Variants in CNTLN observed in about 807,000 individuals in gnomAD.
CNTLN encodes centlein.
CNTLN carries 212 observed loss-of-function variants against 180.0 expected under a neutral mutation model. That is an observed-to-expected ratio of 1.18 (90% CI 1.05 to 1.32). The LOEUF (loss-of-function observed/expected upper bound fraction) is 1.32, where lower values mean the gene tolerates loss of function less well. Among genes scored for constraint, CNTLN ranks in the 40% most tolerant of loss-of-function variants. CNTLN has a pLI of 0.00. For missense variants in CNTLN, 2,095 were observed against 1,610.9 expected (o/e 1.30, Z -5.14); for synonymous variants, 722 against 563.1 (o/e 1.28, Z -3.99).
intron 5 of CNTLN, among the ~76,000 whole-genome samples, chr9:17,265,696 A>G (rs1245009975): frequency 6.6e-6 from 1 of 152,040 alleles, no homozygotes; most frequent in Non-Finnish European, 1.5e-5. Context: ...TAAGCTATTG[A>G]TTATTGCCAC....
chr9:17,163,899 G>A lies in CNTLN; in HGVS notation c.449+20523G>A, dbSNP rs530671628. Among the ~76,000 whole-genome samples, 4 of 151,876 alleles carry A rather than the reference G, an allele frequency of 2.6e-5. No individual in the cohort carries two copies. In the East Asian group the frequency reaches 7.8e-4, roughly 29 times the overall value. Reference sequence around the variant, plus strand: ...TTGGGTGTGGTGGTGCACATCTATAGTTTCAGCTACTTGGGAGGCTGAGGT... The same window carrying A: ...TTGGGTGTGGTGGTGCACATCTATAATTTCAGCTACTTGGGAGGCTGAGGT... On this transcript the variant is annotated intron_variant, in intron 2 of 25. Coordinates refer to ENST00000380647, the MANE Select transcript of CNTLN (RefSeq NM_017738.4).
chr9:17,390,548 A>G (rs1483328439), intron 14 of CNTLN, among the ~76,000 whole-genome samples: 2 of 152,218 alleles, frequency 1.3e-5, no homozygotes, highest in African/African-American at 2.4e-5. Flanking sequence ...CCGGCCTGAA[A>G]AGAGCCATCT....
intron 15 of CNTLN, among the ~76,000 whole-genome samples, chr9:17,396,167 G>T (rs868066557): frequency 6.6e-6 from 1 of 152,164 alleles, no homozygotes; most frequent in African/African-American, 2.4e-5. Context: ...TTAGCATATC[G>T]TCAAGAAATA....
At chr9:17,384,870 T>G (rs181898039) in intron 13 of CNTLN, among the ~76,000 whole-genome samples, 140 of 152,272 alleles carry the variant, frequency 9.2e-4, no homozygotes, top group African/African-American at 3.2e-3. Context: ...TTCTCTAAAC[T>G]CCAATTGGGC....
At chr9:17,268,963 A>T (rs1228035040) in intron 5 of CNTLN, among the ~76,000 whole-genome samples, 1 of 151,884 alleles carries the variant, frequency 6.6e-6, no homozygotes, top group Non-Finnish European at 1.5e-5. Context: ...TAGGAAAGGG[A>T]ACTCCCTGAC....
chr9:17,464,558 C>G lies in CNTLN; in HGVS notation c.3466C>G (p.Arg1156Gly). 2 of 1,497,794 alleles carry G rather than the reference C, an allele frequency of 1.3e-6. No homozygotes were observed. The highest frequency in any genetic ancestry group is 1.8e-6 in the Non-Finnish European group (2 of 1,124,914). The allele number at this position is 1,497,794 out of a possible 1,614,324, so 92.8% of individuals were successfully genotyped here. The change falls in exon 21 of 26, where the codon CGA becomes GGA. Residue 1156 changes from arginine to glycine, a missense_variant. Physicochemically the swap from Arg to Gly is moderately radical, Grantham distance 125. Transcript: ENST00000380647. ...ACATTTGATAGAGGACTTGAAATTT[C>G]GACAGAAAGTAAATTTGGAAAGTAA... is the stretch of plus-strand genomic sequence containing the variant. ...KRHLIEDLKFRQKVNLESNKS... is the reference protein window; with the variant it reads ...KRHLIEDLKFGQKVNLESNKS...
chr9:17,307,577 A>ATT (rs144434289), intron 7 of CNTLN, among the ~76,000 whole-genome samples: 22 of 151,514 alleles, frequency 1.5e-4, no homozygotes, highest in Admixed American at 3.3e-4. Context: ...CCAGAGATAC[A>ATT]TTTTTTTTTA....
chr9:17,240,061 A>G (rs1825392514), intron 5 of CNTLN, among the ~76,000 whole-genome samples: 1 of 152,154 alleles, frequency 6.6e-6, no homozygotes, highest in Non-Finnish European at 1.5e-5. Context: ...GAGTATTACC[A>G]TCTCAATAAT....
At chr9:17,210,496 C>G (rs931280576) in intron 2 of CNTLN, among the ~76,000 whole-genome samples, 23 of 152,156 alleles carry the variant, frequency 1.5e-4, no homozygotes, top group Admixed American at 9.2e-4. Context: ...CAAGTCTTTG[C>G]TATTGTGAAT....
At chr9:17,236,760 A>G (rs1445336064) in intron 5 of CNTLN, among the ~76,000 whole-genome samples, 172 bp downstream of exon 5, 1 of 152,184 alleles carries the variant, frequency 6.6e-6, no homozygotes, top group African/African-American at 2.4e-5. Context: ...TTGATGTTGC[A>G]AAGCAGGAAA....
At chr9:17,436,199 A>G (rs1554720299) in intron 18 of CNTLN, among the ~76,000 whole-genome samples, 1 of 152,188 alleles carries the variant, frequency 6.6e-6, no homozygotes, top group Non-Finnish European at 1.5e-5. Context: ...AACATTATAT[A>G]CTATTGTTTA....
intron 8 of CNTLN, among the ~76,000 whole-genome samples, chr9:17,310,291 A>C (rs1819036863): frequency 1.3e-5 from 2 of 152,142 alleles, no homozygotes; most frequent in Non-Finnish European, 2.9e-5. Flanking sequence ...TTTATGAGGA[A>C]ACAGTTTATT....
chr9:17,251,487 T>C (rs1826139614), intron 5 of CNTLN, among the ~76,000 whole-genome samples: 1 of 151,930 alleles, frequency 6.6e-6, no homozygotes, highest in Non-Finnish European at 1.5e-5. Flanking sequence ...ATCTTGTAGT[T>C]ATCTAATTAC....
At chr9:17,149,127 TC>T (rs778839953) in intron 2 of CNTLN, among the ~76,000 whole-genome samples, 1 of 152,332 alleles carries the variant, frequency 6.6e-6, no homozygotes, top group African/African-American at 2.4e-5. Context: ...TTCATCCATG[TC>T]CCTGCAAAGG....
At chr9:17,372,472 A>T (rs1310139620) in intron 13 of CNTLN, among the ~76,000 whole-genome samples, 2 of 152,154 alleles carry the variant, frequency 1.3e-5, no homozygotes, top group African/African-American at 4.8e-5. Context: ...AAAGACACTG[A>T]TGCCATAATG....
chr9:17,349,571 G>C (rs975245656), intron 12 of CNTLN, among the ~76,000 whole-genome samples: 24 of 152,168 alleles, frequency 1.6e-4, no homozygotes, highest in African/African-American at 5.8e-4. Flanking sequence ...TGCTACCACT[G>C]ACTGAAATTA....
intron 2 of CNTLN, among the ~76,000 whole-genome samples, chr9:17,149,401 C>T (rs1405911641): frequency 6.6e-6 from 1 of 152,070 alleles, no homozygotes; most frequent in Non-Finnish European, 1.5e-5. Flanking sequence ...ACACTATCTT[C>T]CACAATGGTT....
intron 16 of CNTLN, among the ~76,000 whole-genome samples, chr9:17,412,572 A>G (rs981205644): frequency 6.6e-6 from 1 of 152,218 alleles, no homozygotes; most frequent in African/African-American, 2.4e-5. Flanking sequence ...GCAGTATTCA[A>G]TAAATAAATT....
chr9:17,394,703 G>A lies in CNTLN; in HGVS notation c.2249G>A (p.Ser750Asn), dbSNP rs371270152. Reference sequence around the variant, plus strand: ...GAGCTAGAACAGATAATAAAGGGGAGTAAAGATGTAGAAAAAGAAAATACT... The same window carrying A: ...GAGCTAGAACAGATAATAAAGGGGAATAAAGATGTAGAAAAAGAAAATACT... ...EKELEQIIKG[S>N]KDVEKENTEL... Residue 750 changes from serine (S) to asparagine (N), a missense_variant, in exon 15 of 26, where the codon AGT becomes AAT. Coordinates refer to ENST00000380647, the MANE Select transcript of CNTLN (RefSeq NM_017738.4). 6 of 1,613,944 alleles carry A rather than the reference G, an allele frequency of 3.7e-6. No homozygotes were observed. Among genetic ancestry groups the A allele is most frequent in the South Asian group, 3.3e-5 (3 of 91,070 alleles).
Sources: gnomAD v4.1 joint callset for allele counts (sites outside exome capture counted in the v4.1 genomes callset) on GRCh38, gnomAD v4.1.1 for gene constraint, MANE v1.5 for transcripts, NCBI Gene and HGNC (gene_info 2026-07-23, HGNC 2026-07-21) for gene names.